Variants in DENND3 observed in about 807,000 individuals in gnomAD.
DENND3 encodes the protein DENN domain-containing protein 3.
DENND3 carries 88 observed loss-of-function variants against 135.1 expected under a neutral mutation model. The ratio of observed to expected loss-of-function variants is 0.65; its 90% confidence interval spans 0.55 to 0.78. The LOEUF (loss-of-function observed/expected upper bound fraction) is 0.78. Ranked by LOEUF, DENND3 falls within the 30% of genes least tolerant of loss-of-function variation. The pLI is 0.00. For missense variants in DENND3, 1,392 were observed against 1,688.4 expected (o/e 0.82, Z 3.08); for synonymous variants, 693 against 712.3 (o/e 0.97, Z 0.43).
intron 15 of DENND3, chr8:141,177,044 C>T: frequency 2.5e-6 from 1 of 405,082 alleles, no homozygotes; most frequent in South Asian, 3.4e-5. Context: ...TGGCGACATC[C>T]CAGAGAGTGG....
intron 9 of DENND3, among the ~76,000 whole-genome samples, 199 bp from the exon 10 acceptor site, chr8:141,163,134 T>C (rs892427506): frequency 6.6e-6 from 1 of 152,226 alleles, no homozygotes; most frequent in African/African-American, 2.4e-5. Flanking sequence ...TCCTGTACTT[T>C]CGTTCTAGCT....
rs1278199452 is a variant in DENND3, at chr8:141,168,208, T to G, written c.1958T>G (p.Leu653Arg). The change falls in exon 13 of 23, where the codon CTG (leucine) becomes CGG (arginine). Residue 653 changes from leucine to arginine, a missense_variant. By Grantham distance (102) the Leu-to-Arg change is moderately radical. Coordinates refer to ENST00000519811, the MANE Select transcript of DENND3 (RefSeq NM_001352890.3). This position sits in a 1 kb window ranked among gnomAD's most constrained non-coding sequence, Gnocchi z 6.2. Reference protein sequence around the residue: ...RGLVYLMQGQLLNALLDFQNL... With the variant: ...RGLVYLMQGQRLNALLDFQNL... ...CTCGTTTATCTGATGCAGGGACAGC[T>G]GCTGAACGCCCTCTTGGACTTCCAG... 6.2e-6 allele frequency: 10 copies of G among 1,614,190 alleles called. No homozygotes were observed. Among genetic ancestry groups the G allele is most frequent in the Non-Finnish European group, 7.6e-6 (9 of 1,180,032 alleles).
Position 141,156,005 on chromosome 8 carries a change from C to T in DENND3, c.1196+35C>T, listed in dbSNP as rs186376089. The stretch of plus-strand genomic sequence containing the variant: ...AACATTAATGGTATGAATTTCAGAC[C>T]GTCTTTGTTCAGATTCTGTATTTGC... On this transcript the variant is annotated intron_variant, in intron 8 of 22. Transcript: ENST00000519811. 292 of 1,561,138 alleles carry T rather than the reference C, an allele frequency of 1.9e-4. 4 individuals are homozygous for T. The South Asian group carries it at 2.3e-3, about 12-fold the overall frequency.
At chr8:141,142,432 C>T (rs902780438) in intron 4 of DENND3, 1 of 456,766 alleles carries the variant, frequency 2.2e-6, no homozygotes, top group African/African-American at 2.0e-5. Flanking sequence ...CTGCCTTGAC[C>T]AGAGGGACGA....
intron 17 of DENND3, among the ~76,000 whole-genome samples, chr8:141,184,099 A>G (rs1823567236): frequency 1.3e-5 from 2 of 152,232 alleles, no homozygotes; most frequent in Non-Finnish European, 2.9e-5. Context: ...CACGGCGCCT[A>G]CAGCCTCTTC....
rs11984642 is a variant in DENND3, at chr8:141,168,843, G to T, written c.2275+318G>T. Among the ~76,000 whole-genome samples, 1 of 151,724 alleles carries T rather than the reference G, an allele frequency of 6.6e-6. No homozygotes were observed. ...TGAGATTACAAGAGTGAGCCTCTGC[G>T]TTGGGCCCATATATTTTATTTTACT... On this transcript the variant is annotated intron_variant, in intron 13 of 22. Transcript: ENST00000519811. The surrounding 1 kb of genome is among the most constrained non-coding windows in gnomAD (Gnocchi z 6.2).
rs113292087 is a variant in DENND3 at position 141,133,066 on chromosome 8, G to T, written c.103-3443G>T. Among the ~76,000 whole-genome samples the T allele has an allele frequency of 8.1e-3, 1,233 of 152,342 alleles. 12 individuals are homozygous for T. Among genetic ancestry groups the T allele is most frequent in the African/African-American group, 0.028 (1,181 of 41,568 alleles). ...GCTCCAGGGGGTGATGAGCTGGGAG[G>T]TGGAGGCCTGGAGGAGCCTGTGGTC... On this transcript the variant is annotated intron_variant, in intron 1 of 22. Coordinates refer to ENST00000519811, the MANE Select transcript of DENND3 (RefSeq NM_001352890.3).
chr8:141,178,354 C>T (rs192342643), intron 16 of DENND3, among the ~76,000 whole-genome samples, 158 bp downstream of exon 16: 11 of 152,326 alleles, frequency 7.2e-5, no homozygotes, highest in African/African-American at 2.4e-4. Context: ...ACACCTTATC[C>T]GGCATCTTTC....
Position 141,141,222 on chromosome 8 carries a change from A to C in DENND3, c.521A>C (p.Asn174Thr). 1 of 1,614,182 alleles carries C rather than the reference A, an allele frequency of 6.2e-7. No homozygotes were observed. Among genetic ancestry groups the C allele is most frequent in the Non-Finnish European group, 8.5e-7 (1 of 1,180,008 alleles). Residue 174 changes from asparagine (N) to threonine (T), a missense_variant, in exon 4 of 23, where the codon AAT becomes ACT. Physicochemically the swap from Asn to Thr is moderately conservative, Grantham distance 65. Coordinates refer to ENST00000519811, the MANE Select transcript of DENND3 (RefSeq NM_001352890.3). The surrounding 1 kb of genome is among the most constrained non-coding windows in gnomAD (Gnocchi z 5.3). Reference sequence around the variant, plus strand: ...ATGTAGGATGAGTACTGTTTCTACAATGGCAAAACGCACCGGGAGTGTCCT... The same window carrying C: ...ATGTAGGATGAGTACTGTTTCTACACTGGCAAAACGCACCGGGAGTGTCCT... ...RPLHDEYCFY[N>T]GKTHRECPGC...
At chr8:141,153,395 C>A (rs1336380306) in intron 7 of DENND3, among the ~76,000 whole-genome samples, 1 of 152,226 alleles carries the variant, frequency 6.6e-6, no homozygotes, top group Non-Finnish European at 1.5e-5. Flanking sequence ...CGCCTTGCTC[C>A]ATTTTGAAAA....
intron 13 of DENND3, among the ~76,000 whole-genome samples, chr8:141,169,382 G>A (rs1007681653): frequency 2.6e-5 from 4 of 152,386 alleles, no homozygotes; most frequent in Non-Finnish European, 5.9e-5. Flanking sequence ...CTCTGTGTGG[G>A]TGGAAGGGAC....
At chr8:141,173,293 G>A (rs551908862) in intron 13 of DENND3, among the ~76,000 whole-genome samples, 1 of 152,324 alleles carries the variant, frequency 6.6e-6, no homozygotes, top group South Asian at 2.1e-4. Context: ...CCTTACTGGT[G>A]CATATTTCTC....
rs140043585 is a variant in DENND3 at position 141,182,656 on chromosome 8, C to T, written c.2944+1802C>T. ...GGAAACCGCCTTTTCCTGTGGCTGC[C>T]GATTCTGGAAGGGGTGGCCGAGAAG... On this transcript the variant is annotated intron_variant, in intron 17 of 22. Coordinates refer to ENST00000519811, the MANE Select transcript of DENND3 (RefSeq NM_001352890.3). This position sits in a 1 kb window ranked among gnomAD's most constrained non-coding sequence, Gnocchi z 5.9. Among the ~76,000 whole-genome samples the T allele has an allele frequency of 2.1e-3, 313 of 152,236 alleles. 1 individual carries two copies. Among genetic ancestry groups the T allele is most frequent in the Non-Finnish European group, 3.8e-3 (257 of 68,024 alleles).
At chr8:141,186,099 T>G (rs999449806) in intron 18 of DENND3, among the ~76,000 whole-genome samples, 1 of 151,852 alleles carries the variant, frequency 6.6e-6, no homozygotes, top group African/African-American at 2.4e-5. Context: ...CTACCATGCC[T>G]GGCTAATTTT....
In DENND3 at chr8:141,166,514, T is replaced by G. The variant is rs1453948438; in HGVS notation, c.1753+125T>G. 1.8e-5 allele frequency: 18 copies of G among 1,028,514 alleles called. No homozygotes were observed. The highest frequency in any genetic ancestry group is 2.5e-5 in the Non-Finnish European group (18 of 723,614). The allele number at this position is 1,028,514 out of a possible 1,614,324, so 63.7% of individuals were successfully genotyped here. On this transcript the variant is annotated intron_variant, in intron 12 of 22. Coordinates refer to ENST00000519811, the MANE Select transcript of DENND3 (RefSeq NM_001352890.3). The surrounding 1 kb of genome is among the most constrained non-coding windows in gnomAD (Gnocchi z 4.3). ...TGGGCTTGTTTTAGCAGCTGAGTTA[T>G]TTGAAATGTTTAGAATATTCATTTT...
At chr8:141,171,748 C>T (rs1821596545) in intron 13 of DENND3, among the ~76,000 whole-genome samples, 1 of 150,736 alleles carries the variant, frequency 6.6e-6, no homozygotes, top group South Asian at 2.1e-4. Context: ...TGCGTAGTAG[C>T]CATAGGTGTG....
At chr8:141,192,935 G>C (rs561297853) in intron 22 of DENND3, 12 of 1,376,902 alleles carry the variant, frequency 8.7e-6, no homozygotes, top group Non-Finnish European at 1.1e-5. Flanking sequence ...CACAGTTCTC[G>C]ACGCTGGAGG....
intron 5 of DENND3, among the ~76,000 whole-genome samples, chr8:141,147,953 C>T (rs1818363223): frequency 6.6e-6 from 1 of 152,184 alleles, no homozygotes; most frequent in African/African-American, 2.4e-5. Context: ...GTGCAGCTCT[C>T]CCATACCAAG....
chr8:141,173,034 C>A (rs777547029), intron 13 of DENND3, among the ~76,000 whole-genome samples: 1 of 150,946 alleles, frequency 6.6e-6, no homozygotes, highest in Non-Finnish European at 1.5e-5. Flanking sequence ...GGCTGAGGCA[C>A]CCCAGTCAGA....
Sources: gnomAD v4.1 joint callset for allele counts (sites outside exome capture counted in the v4.1 genomes callset) on GRCh38, gnomAD v4.1.1 for gene constraint, Gnocchi (gnomAD v3.1) non-coding constraint, MANE v1.5 for transcripts, NCBI Gene and HGNC (gene_info 2026-07-23, HGNC 2026-07-21) for gene names.